Variants in CEP170 observed in about 807,000 individuals in gnomAD.
CEP170 encodes the protein centrosomal protein of 170 kDa.
In CEP170, 21 loss-of-function variants were observed where a neutral mutation model predicts 151.9. The ratio of observed to expected loss-of-function variants is 0.14; its 90% CI spans 0.10 to 0.20. The LOEUF is 0.20. Ranked by LOEUF, CEP170 falls within the 10% of genes least tolerant of loss-of-function variation. CEP170 has a pLI of 1.00. For synonymous variants in CEP170, 356 were observed against 648.8 expected, an observed-to-expected ratio of 0.55 and a Z score of 6.86; for missense variants, 964 against 1,892.9, an observed-to-expected ratio of 0.51 and a Z score of 9.11.
rs545867763 is a variant in CEP170 at position 243,154,126 on chromosome 1, C to G, written c.3911+2095G>C. 3.3e-5 allele frequency among the ~76,000 whole-genome samples: 5 copies of G among 152,294 alleles called. No individual in the cohort carries two copies. The South Asian group carries it at 6.2e-4, about 19-fold the overall frequency. ...TGCTTTAAATTTAAATGCAGGTAAACAGTTACTATGTACAGATTAACAAAG... is the reference window on the plus strand; with the variant it reads ...TGCTTTAAATTTAAATGCAGGTAAAGAGTTACTATGTACAGATTAACAAAG... On this transcript the variant is annotated intron_variant, in intron 14 of 19. Transcript: ENST00000366542.
chr1:243,205,865 A>G (rs1558584539), intron 4 of CEP170, among the ~76,000 whole-genome samples: 1 of 152,038 alleles, frequency 6.6e-6, no homozygotes, highest in Non-Finnish European at 1.5e-5. Context: ...GATTGAAACT[A>G]TAAAGCCACA....
At chr1:243,224,122 G>C (rs2063039477) in intron 2 of CEP170, among the ~76,000 whole-genome samples, 2 of 152,146 alleles carry the variant, frequency 1.3e-5, no homozygotes, top group Admixed American at 1.3e-4. Context: ...ATGACAACTT[G>C]ATATTCACAA....
At chr1:243,133,432 T>C (rs1057148709) in intron 17 of CEP170, among the ~76,000 whole-genome samples, 4 of 152,266 alleles carry the variant, frequency 2.6e-5, no homozygotes, top group African/African-American at 4.8e-5. Context: ...CTTTGGTTAA[T>C]AATCCTTCCA....
At chr1:243,127,224 T>G (rs1329130858) in intron 19 of CEP170, among the ~76,000 whole-genome samples, 1 of 151,974 alleles carries the variant, frequency 6.6e-6, no homozygotes, top group Non-Finnish European at 1.5e-5. Context: ...CTGGCCAGAG[T>G]GCTAGGGTTA....
chr1:243,225,016 G>C (rs1211063601), intron 2 of CEP170, among the ~76,000 whole-genome samples, 160 bp downstream of exon 2: 1 of 152,014 alleles, frequency 6.6e-6, no homozygotes, highest in African/African-American at 2.4e-5. Flanking sequence ...ACTTTTTTTA[G>C]ATGATTCAAG....
intron 13 of CEP170, among the ~76,000 whole-genome samples, chr1:243,158,965 G>C (rs968845547): frequency 1.3e-5 from 2 of 152,108 alleles, no homozygotes; most frequent in Non-Finnish European, 2.9e-5. Context: ...TACTCGGGAG[G>C]CTAAGAGAGG....
intron 14 of CEP170, among the ~76,000 whole-genome samples, chr1:243,153,892 T>A (rs2057335338): frequency 6.6e-6 from 1 of 152,248 alleles, no homozygotes; most frequent in Non-Finnish European, 1.5e-5. Context: ...TAGCTCTGTT[T>A]ACCCTAATAT....
rs761578323 is a variant in CEP170 at position 243,189,548 on chromosome 1, T to A, written c.1108+1470A>T. Among the ~76,000 whole-genome samples, 3 of 141,666 alleles carry A rather than the reference T, an allele frequency of 2.1e-5. No homozygotes were observed. The East Asian group carries it at 6.0e-4, about 29-fold the overall frequency. The allele number at this position is 141,666 out of a possible 152,430, so 92.9% of individuals were successfully genotyped here. A position where few individuals can be genotyped will look rare whatever the true frequency, so the allele number is the denominator to read the frequency against. ...TCCAGCCTGAGTGACAAAGCGAGACTCTGTCTCCAAAAAAAAAAAAAAAAA... is the reference window on the plus strand; with the variant it reads ...TCCAGCCTGAGTGACAAAGCGAGACACTGTCTCCAAAAAAAAAAAAAAAAA... On this transcript the variant is annotated intron_variant, in intron 8 of 19. Coordinates refer to ENST00000366542, the MANE Select transcript of CEP170 (RefSeq NM_014812.3).
chr1:243,190,209 G>A (rs1377944213), intron 8 of CEP170, among the ~76,000 whole-genome samples: 2 of 152,114 alleles, frequency 1.3e-5, no homozygotes, highest in African/African-American at 4.8e-5. Flanking sequence ...TCAGCTAAAC[G>A]TGTAATCACA....
chr1:243,249,634 T>C (rs4658552), intron 1 of CEP170, among the ~76,000 whole-genome samples: 60,292 of 152,020 alleles, frequency 0.4, 12,571 homozygotes, highest in South Asian at 0.55. Flanking sequence ...AGCAGTCCTC[T>C]ACCACTGTCT....
At chr1:243,175,925 T>G (rs1363007737) in intron 10 of CEP170, among the ~76,000 whole-genome samples, 1 of 151,772 alleles carries the variant, frequency 6.6e-6, no homozygotes, top group Non-Finnish European at 1.5e-5. Flanking sequence ...GCCTCCCGAG[T>G]AGCTGGGACT....
chr1:243,244,778 C>G (rs545640100), intron 1 of CEP170, among the ~76,000 whole-genome samples: 1 of 151,392 alleles, frequency 6.6e-6, no homozygotes, highest in Non-Finnish European at 1.5e-5. Context: ...GTAAAAACTC[C>G]GAAGAGTTAC....
chr1:243,173,099 T>C (rs979255067), intron 10 of CEP170, among the ~76,000 whole-genome samples: 2 of 151,970 alleles, frequency 1.3e-5, no homozygotes, highest in Non-Finnish European at 2.9e-5. Context: ...TCACTCTTGT[T>C]GCCCAGGCTG....
intron 12 of CEP170, among the ~76,000 whole-genome samples, chr1:243,168,065 T>C (rs1335965593): frequency 1.3e-5 from 2 of 151,998 alleles, no homozygotes; most frequent in African/African-American, 4.8e-5. Flanking sequence ...CTTAATAATT[T>C]TATAACGGAT....
In CEP170 at chr1:243,185,863, A is replaced by G; in HGVS notation, c.1482T>C (p.Asp494=). The change falls in exon 10 of 20, where the codon GAT becomes GAC. Residue 494 remains aspartate, a synonymous_variant. Coordinates refer to ENST00000366542, the MANE Select transcript of CEP170 (RefSeq NM_014812.3). The surrounding 1 kb of genome is among the most constrained non-coding windows in gnomAD (Gnocchi z 4.9). ...TSATSEKDND[D]DQSDKGTYTI... ...TATAAGTACCCTTGTCACTTTGGTCATCATCATTATCCTTTTCAGAAGTAG... is the reference window on the plus strand; with the variant it reads ...TATAAGTACCCTTGTCACTTTGGTCGTCATCATTATCCTTTTCAGAAGTAG... The G allele has an allele frequency of 6.2e-7, 1 of 1,613,180 alleles. No homozygotes were observed. Among genetic ancestry groups the G allele is most frequent in the East Asian group, 2.2e-5 (1 of 44,890 alleles).
intron 17 of CEP170, among the ~76,000 whole-genome samples, chr1:243,132,363 A>C (rs2148201526): frequency 6.6e-6 from 1 of 152,310 alleles, no homozygotes; most frequent in Middle Eastern, 3.4e-3. Flanking sequence ...ACTGAGCACT[A>C]ATCTATTATA....
chr1:243,246,226 CTTTTTTTTTT>C (rs774096892), intron 1 of CEP170, among the ~76,000 whole-genome samples: 1 of 109,470 alleles, frequency 9.1e-6, no homozygotes, highest in South Asian at 2.9e-4. Flanking sequence ...GTGTTGTTTA[CTTTTTTTTTT>C]TTTTTTTTTT....
chr1:243,157,462 C>G (rs1431298809), intron 13 of CEP170, among the ~76,000 whole-genome samples: 2 of 152,088 alleles, frequency 1.3e-5, no homozygotes, highest in African/African-American at 2.4e-5. Flanking sequence ...ATAATGTATA[C>G]CTAGCACTTA....
At chr1:243,181,174 G>C (rs926010258) in intron 10 of CEP170, among the ~76,000 whole-genome samples, 1 of 152,166 alleles carries the variant, frequency 6.6e-6, no homozygotes, top group South Asian at 2.1e-4. Flanking sequence ...TATCTCTTTT[G>C]ATGGAAGAGT....
Sources: allele counts gnomAD v4.1 joint callset (sites outside exome capture counted in the v4.1 genomes callset), GRCh38; gene constraint gnomAD v4.1.1; non-coding constraint Gnocchi (gnomAD v3.1); transcripts MANE v1.5; gene names NCBI Gene and HGNC (gene_info 2026-07-23, HGNC 2026-07-21).